RSF1: variants seen among roughly 807,000 people sequenced by gnomAD.
RSF1 encodes the protein HBV pX-associated protein 8.
In RSF1, 13 loss-of-function variants were observed where a neutral mutation model predicts 145.2. The ratio of observed to expected loss-of-function variants is 0.09; its 90% CI spans 0.06 to 0.14. The LOEUF (loss-of-function observed/expected upper bound fraction) is 0.14, where lower values mean the gene tolerates loss of function less well. Ranked by LOEUF, RSF1 falls within the 10% of genes least tolerant of loss-of-function variation. The pLI, the probability that RSF1 is intolerant of heterozygous loss-of-function variation, is 1.00. For missense variants in RSF1, 1,517 were observed against 1,718.2 expected, an observed-to-expected ratio of 0.88 and a Z score of 2.07; for synonymous variants, 577 against 592.6, an observed-to-expected ratio of 0.97 and a Z score of 0.38.
At chr11:77,680,547 G>A (rs1262319132) in intron 11 of RSF1, among the ~76,000 whole-genome samples, 2 of 152,150 alleles carry the variant, frequency 1.3e-5, no homozygotes, top group Non-Finnish European at 2.9e-5. Context: ...CCCAGGAGTT[G>A]GGAGTCCAGT....
chr11:77,813,010 C>A (rs750557820), intron 1 of RSF1, among the ~76,000 whole-genome samples: 8 of 151,688 alleles, frequency 5.3e-5, no homozygotes, highest in Non-Finnish European at 1.0e-4. Flanking sequence ...ACTTTTAATT[C>A]TTGCTCTTTG....
chr11:77,778,207 A>AGGGG (rs1948366298), intron 1 of RSF1, among the ~76,000 whole-genome samples: 1 of 15,870 alleles, frequency 6.3e-5, no homozygotes, highest in African/African-American at 2.7e-4. Context: ...GGAAGGGGAG[A>AGGGG]GGATGGGGAG....
chr11:77,786,008 C>CA (rs11371065), intron 1 of RSF1, among the ~76,000 whole-genome samples: 148,904 of 148,908 alleles, frequency 1, 74,450 homozygotes, highest in Middle Eastern at 1. Context: ...TAAAAAGAAA[C>CA]ATCTGCATAT....
At position 77,764,667 on chromosome 11, in the gene RSF1, G is replaced by A. The variant is rs200863356; in HGVS notation, c.210C>T (p.Leu70=). ...NGEVPKELVE[L]HLKLMRKIGK... Reference sequence around the variant, plus strand: ...CAATTTTCCTCATCAGCTTCAAATGGAGCTCCACCAATTCTTTTGGTACTT... The same window carrying A: ...CAATTTTCCTCATCAGCTTCAAATGAAGCTCCACCAATTCTTTTGGTACTT... Residue 70 remains leucine (L), a synonymous_variant, in exon 2 of 16, where the codon CTC becomes CTT. Transcript: ENST00000308488. The A allele has an allele frequency of 2.1e-5, 34 of 1,603,066 alleles. No homozygotes were observed. Among genetic ancestry groups the A allele is most frequent in the Non-Finnish European group, 2.9e-5 (34 of 1,174,592 alleles).
intron 1 of RSF1, among the ~76,000 whole-genome samples, chr11:77,784,111 C>G (rs1454925593): frequency 6.6e-6 from 1 of 152,158 alleles, no homozygotes; most frequent in African/African-American, 2.4e-5. Context: ...TGGCTCCATC[C>G]TCCTTCTAGG....
the RSF1 span, among the ~76,000 whole-genome samples, chr11:77,844,220 GCTCTACCCTTAGGA>G: frequency 6.6e-6 from 1 of 152,160 alleles, no homozygotes; most frequent in African/African-American, 2.4e-5. Context: ...ATTCATGAGG[GCTCTACCCTTAGGA>G]CCCAGTTACC....
intron 1 of RSF1, among the ~76,000 whole-genome samples, chr11:77,777,213 C>T (rs981868931): frequency 6.6e-6 from 1 of 152,180 alleles, no homozygotes; most frequent in African/African-American, 2.4e-5. Flanking sequence ...ACCATTATTA[C>T]CTCTTTGAAA....
chr11:77,764,610 T>C lies in RSF1; in HGVS notation c.267A>G (p.Lys89=). The C allele has an allele frequency of 1.3e-6, 2 of 1,587,456 alleles. No homozygotes were observed. The highest frequency in any genetic ancestry group is 2.2e-5 in the South Asian group (2 of 89,768). ...GKSVTADRWE[K]YLIKICQEFN... is the part of the protein sequence containing the mutation. ...AAATACTAGTTACCTTGATCAAATA[T>C]TTTTCCCATCTGTCTGCAGTAACAG... The change falls in exon 2 of 16, where the codon AAA becomes AAG. Residue 89 remains lysine (K), a synonymous_variant. Coordinates refer to ENST00000308488, the MANE Select transcript of RSF1 (RefSeq NM_016578.4).
At chr11:77,852,042 CCTT>C in the RSF1 span, among the ~76,000 whole-genome samples, 4 of 151,670 alleles carry the variant, frequency 2.6e-5, no homozygotes, top group African/African-American at 9.7e-5. Context: ...CCTCTTCTCT[CCTT>C]CTCATAATTA....
chr11:77,762,540 C>T (rs1446790270), intron 2 of RSF1: 3 of 151,370 alleles, frequency 2.0e-5, no homozygotes, highest in Non-Finnish European at 4.4e-5. Flanking sequence ...CTTTCTATTA[C>T]AGTAGGGCTA....
At chr11:77,693,837 T>C (rs1294503104) in intron 7 of RSF1, among the ~76,000 whole-genome samples, 1 of 151,676 alleles carries the variant, frequency 6.6e-6, no homozygotes, top group African/African-American at 2.4e-5. Flanking sequence ...CAGGCAGGAG[T>C]GCAGTGGCAC....
chr11:77,824,975 TTTG>T (rs907377146), upstream of RSF1, among the ~76,000 whole-genome samples: 7 of 152,124 alleles, frequency 4.6e-5, no homozygotes, highest in South Asian at 2.1e-4. Context: ...ACATAGTTTT[TTTG>T]TTGTTGTTGT....
chr11:77,865,405 C>T, the RSF1 span, among the ~76,000 whole-genome samples: 1 of 152,130 alleles, frequency 6.6e-6, no homozygotes, highest in Non-Finnish European at 1.5e-5. Flanking sequence ...TCTCCTAGAA[C>T]ATTTGAATTG....
chr11:77,858,299 A>ATTTTTTTTTTTT, the RSF1 span, among the ~76,000 whole-genome samples: 5 of 91,556 alleles, frequency 5.5e-5, no homozygotes, highest in African/African-American at 1.2e-4. Context: ...CGTTTAAGCA[A>ATTTTTTTTTTTT]TTCTTTTTTT....
At chr11:77,867,076 G>C in the RSF1 span, among the ~76,000 whole-genome samples, 1 of 152,060 alleles carries the variant, frequency 6.6e-6, no homozygotes, top group South Asian at 2.1e-4. Flanking sequence ...CCTGACCTCA[G>C]GTAATCCTCC....
the RSF1 span, among the ~76,000 whole-genome samples, chr11:77,861,958 C>A: frequency 1.3e-5 from 2 of 152,222 alleles, no homozygotes; most frequent in Non-Finnish European, 2.9e-5. Context: ...GCCTTCAGTA[C>A]AGTCAGGTGA....
chr11:77,824,192 G>C (rs1278149511), upstream of RSF1, among the ~76,000 whole-genome samples: 2 of 152,178 alleles, frequency 1.3e-5, no homozygotes, highest in Non-Finnish European at 2.9e-5. Flanking sequence ...GCTTTCCTGG[G>C]CTAAGAGAAA....
At chr11:77,670,981 C>CGT (rs1959508253) in intron 15 of RSF1, among the ~76,000 whole-genome samples, 2 of 149,500 alleles carry the variant, frequency 1.3e-5, no homozygotes, top group African/African-American at 4.9e-5. Context: ...GTGGCACATG[C>CGT]CTAAAATCCT....
intron 1 of RSF1, chr11:77,813,690 C>A: frequency 2.1e-6 from 1 of 476,346 alleles, no homozygotes; most frequent in South Asian, 1.9e-5. Flanking sequence ...TGCTGCACGG[C>A]TTCCTGACCG....
Sources: allele counts gnomAD v4.1 joint callset (sites outside exome capture counted in the v4.1 genomes callset), GRCh38; gene constraint gnomAD v4.1.1; transcripts MANE v1.5; gene names NCBI Gene and HGNC (gene_info 2026-07-23, HGNC 2026-07-21).